The following NT5DC3 variants were observed in gnomAD, a reference collection of about 807,000 sequenced individuals.
NT5DC3 encodes the protein 5'-nucleotidase domain-containing protein 3.
In NT5DC3, 42 loss-of-function variants were observed where a neutral mutation model predicts 67.8. The ratio of observed to expected loss-of-function variants is 0.62; its 90% confidence interval spans 0.48 to 0.80. The LOEUF (loss-of-function observed/expected upper bound fraction) is 0.80, where lower values mean the gene tolerates loss of function less well. Among genes scored for constraint, NT5DC3 ranks in the 30% least tolerant of loss-of-function variants. The pLI, the probability that NT5DC3 is intolerant of heterozygous loss-of-function variation, is 0.00. For synonymous variants in NT5DC3, 237 were observed against 255.6 expected (o/e 0.93, Z 0.69); for missense variants, 570 against 696.4 (o/e 0.82, Z 2.04).
At position 103,777,955 on chromosome 12, in the gene NT5DC3, G is replaced by A. The variant is rs747558597; in HGVS notation, c.1521C>T (p.Leu507=). The change falls in exon 14 of 14, where the codon CTC becomes CTT. Residue 507 remains leucine (L), a synonymous_variant. Coordinates refer to ENST00000392876, the MANE Select transcript of NT5DC3 (RefSeq NM_001031701.3). ...ADIYMASLSC[L]LNYDVSHTFY... ...AAGTGTGGCTGACGTCATAGTTCAG[G>A]AGGCAGCTCAGAGACGCCATGTAGA... 6.2e-7 allele frequency: 1 copy of A among 1,614,202 alleles called. No homozygotes were observed. The highest frequency in any genetic ancestry group is 1.1e-5 in the South Asian group (1 of 91,088).
chr12:103,755,075 A>G, the NT5DC3 span: 1 of 548,040 alleles, frequency 1.8e-6, no homozygotes. Flanking sequence ...AATGAGTATG[A>G]AAGACCTGGG....
intron 1 of NT5DC3, among the ~76,000 whole-genome samples, chr12:103,817,500 C>A (rs17034620): frequency 0.1 from 15,424 of 152,148 alleles, 1,120 homozygotes; most frequent in East Asian, 0.29. Context: ...TATTTTACTA[C>A]TTTTCACATT....
chr12:103,769,479 G>A (rs1885134896), downstream of NT5DC3, among the ~76,000 whole-genome samples: 1 of 152,234 alleles, frequency 6.6e-6, no homozygotes, highest in Non-Finnish European at 1.5e-5. Context: ...CCTGCATGGA[G>A]CAGGGTCTTT....
Position 103,787,434 on chromosome 12 carries a change from C to G in NT5DC3, c.1188+7G>C. On this transcript the variant is annotated splice_region_variant and intron_variant, in intron 11 of 13. Transcript: ENST00000392876. ...GTCCCCCAACAAAGGAAAAAAGGGC[C>G]CCTCACCGCCAGGTCACTGTATATA... is the stretch of plus-strand genomic sequence containing the variant. 1.3e-6 allele frequency: 2 copies of G among 1,510,510 alleles called. No individual in the cohort carries two copies. The highest frequency in any genetic ancestry group is 1.8e-6 in the Non-Finnish European group (2 of 1,118,190). 93.6% of individuals were successfully genotyped at this position (1,510,510 alleles called of 1,614,324 possible).
At chr12:103,780,739 T>TATA (rs1885515662) in intron 12 of NT5DC3, among the ~76,000 whole-genome samples, 2 of 152,224 alleles carry the variant, frequency 1.3e-5, no homozygotes, top group Admixed American at 1.3e-4. Flanking sequence ...TATATACATG[T>TATA]GTACAAACTA....
At chr12:103,786,724 C>T (rs984375437) in intron 11 of NT5DC3, among the ~76,000 whole-genome samples, 68 of 144,288 alleles carry the variant, frequency 4.7e-4, no homozygotes, top group African/African-American at 1.7e-3. Context: ...ACTCTGTCGC[C>T]TAGGCTAGAG....
intron 9 of NT5DC3, among the ~76,000 whole-genome samples, chr12:103,790,097 T>C (rs560159736): frequency 5.3e-5 from 8 of 152,108 alleles, no homozygotes; most frequent in Non-Finnish European, 1.2e-4. Context: ...CTTTTTTTTT[T>C]CCCAAATACA....
intron 1 of NT5DC3, among the ~76,000 whole-genome samples, chr12:103,832,323 GT>G (rs1851375047): frequency 6.6e-6 from 1 of 151,988 alleles, no homozygotes; most frequent in South Asian, 2.1e-4. Flanking sequence ...AACCCGGCCT[GT>G]AAAAATATAG....
chr12:103,750,523 C>A, the NT5DC3 span: 1 of 1,597,786 alleles, frequency 6.3e-7, no homozygotes, highest in South Asian at 1.1e-5. Context: ...GGCACTTGGG[C>A]ATCCTGGGGT....
At chr12:103,829,007 A>G (rs1887816492) in intron 1 of NT5DC3, among the ~76,000 whole-genome samples, 1 of 152,120 alleles carries the variant, frequency 6.6e-6, no homozygotes, top group South Asian at 2.1e-4. Context: ...CCTCTCCTGC[A>G]TTTCTCTAGA....
chr12:103,746,719 TG>T, the NT5DC3 span: 1 of 1,612,238 alleles, frequency 6.2e-7, no homozygotes, highest in Non-Finnish European at 8.5e-7. Flanking sequence ...GCCACCTTTG[TG>T]CACAGGTGAA....
In NT5DC3 at chr12:103,781,362, A is replaced by G. The variant is rs144778737; in HGVS notation, c.1330-998T>C. On this transcript the variant is annotated intron_variant, in intron 12 of 13. Coordinates refer to ENST00000392876, the MANE Select transcript of NT5DC3 (RefSeq NM_001031701.3). ...TGAACCCTGAGGCTGTTGAAGGGAC[A>G]TGTAAAGGAGAAAGACCCCAGGAAT... Among the ~76,000 whole-genome samples the G allele has an allele frequency of 4.9e-3, 751 of 152,356 alleles. 4 individuals carry two copies. The highest frequency in any genetic ancestry group is 0.017 in the African/African-American group (727 of 41,582).
At chr12:103,746,744 G>A in the NT5DC3 span, 1 of 1,597,022 alleles carries the variant, frequency 6.3e-7, no homozygotes, top group Non-Finnish European at 8.6e-7. Flanking sequence ...GCAGCATGGT[G>A]TGGGAGAGGA....
At chr12:103,840,377 G>GCTCAGCTCAT (rs1555266142) in intron 1 of NT5DC3, among the ~76,000 whole-genome samples, 57 of 115,308 alleles carry the variant, frequency 4.9e-4, no homozygotes, top group Admixed American at 1.8e-3. Flanking sequence ...ACACCGCACA[G>GCTCAGCTCAT]CTCATCTCAT....
At position 103,787,475 on chromosome 12, in the gene NT5DC3, A is replaced by T; in HGVS notation, c.1154T>A (p.Leu385Ter). 1 of 1,604,762 alleles carries T rather than the reference A, an allele frequency of 6.2e-7. No homozygotes were observed. The highest frequency in any genetic ancestry group is 8.5e-7 in the Non-Finnish European group (1 of 1,174,664). The part of the protein sequence containing the change: ...KLTGWRGSRV[L>*]YFGDHIYSDL... ...ACTGTATATATGGTCACCAAAATAC[A>T]ACACTCTGGATCCTCTCCATCCAGT... is the stretch of plus-strand genomic sequence containing the variant. Residue 385 changes from leucine (L) to a stop codon, truncating the protein, a stop_gained, in exon 11 of 14, where the codon TTG (leucine) becomes TAG (stop). Transcript: ENST00000392876. LOFTEE classifies it high-confidence loss of function.
At chr12:103,820,330 A>C (rs1417520555) in intron 1 of NT5DC3, among the ~76,000 whole-genome samples, 2 of 152,200 alleles carry the variant, frequency 1.3e-5, no homozygotes, top group African/African-American at 2.4e-5. Flanking sequence ...ACTGTTTTCC[A>C]TAGTGGCTGC....
intron 2 of NT5DC3, among the ~76,000 whole-genome samples, chr12:103,811,759 T>G (rs771918989): frequency 1.3e-5 from 2 of 152,168 alleles, no homozygotes; most frequent in Non-Finnish European, 2.9e-5. Flanking sequence ...TGTACCTTAG[T>G]CAAGTGTTAA....
the NT5DC3 span, among the ~76,000 whole-genome samples, chr12:103,756,975 C>T: frequency 2.4e-5 from 3 of 123,022 alleles, no homozygotes; most frequent in African/African-American, 6.1e-5. Flanking sequence ...CTCTGGGCCT[C>T]AGTAGCCCAG....
chr12:103,751,366 G>A, the NT5DC3 span, among the ~76,000 whole-genome samples: 1 of 152,070 alleles, frequency 6.6e-6, no homozygotes, highest in African/African-American at 2.4e-5. Context: ...CTAGTGGCAG[G>A]GTCTGTACTG....
Sources: allele counts gnomAD v4.1 joint callset (sites outside exome capture counted in the v4.1 genomes callset), GRCh38; gene constraint gnomAD v4.1.1; transcripts MANE v1.5; gene names NCBI Gene and HGNC (gene_info 2026-07-23, HGNC 2026-07-21).